The following DPYD variants were observed in gnomAD, a reference collection of about 807,000 sequenced individuals.
DPYD encodes dihydropyrimidine dehydrogenase.
In DPYD, 109 loss-of-function variants were observed where a neutral mutation model predicts 116.2. The observed-to-expected ratio is 0.94, with a 90% CI of 0.80 to 1.10. The LOEUF is 1.10. Ranked by LOEUF, DPYD falls within the 50% of genes least tolerant of loss-of-function variation. The pLI is 0.00. For missense variants in DPYD, 1,302 were observed against 1,254.5 expected (o/e 1.04, Z -0.57); for synonymous variants, 440 against 432.0 (o/e 1.02, Z -0.23).
intron 20 of DPYD, among the ~76,000 whole-genome samples, chr1:97,157,983 T>G (rs1253861456): frequency 4.6e-5 from 7 of 152,168 alleles, no homozygotes; most frequent in African/African-American, 7.2e-5. Flanking sequence ...TGGACTTGAC[T>G]GCTTAGGGTA....
intron 2 of DPYD, among the ~76,000 whole-genome samples, chr1:97,871,859 G>A (rs780517492): frequency 4.0e-5 from 6 of 151,650 alleles, no homozygotes; most frequent in Admixed American, 6.6e-5. Context: ...CAGAAACCTC[G>A]GAGCATCCCC....
chr1:97,700,610 T>TAATA (rs1661543939), intron 5 of DPYD, among the ~76,000 whole-genome samples: 1 of 152,036 alleles, frequency 6.6e-6, no homozygotes, highest in Non-Finnish European at 1.5e-5. Flanking sequence ...TTTCTGTGAA[T>TAATA]AATAAGTCAA....
chr1:97,921,020 G>A lies in DPYD; in HGVS notation c.-98C>T. The stretch of plus-strand genomic sequence containing the variant: ...AGTGACAGCAGCCGGAGCGCGAGTC[G>A]AAAACAGGCAGACTAGGGCCGGCGG... On this transcript the variant is annotated 5_prime_UTR_variant, in exon 1 of 23. Transcript: ENST00000370192. 1 of 1,475,806 alleles carries A rather than the reference G, an allele frequency of 6.8e-7. No individual in the cohort carries two copies. Among genetic ancestry groups the A allele is most frequent in the Non-Finnish European group, 9.2e-7 (1 of 1,082,118 alleles). The allele number at this position is 1,475,806 out of a possible 1,614,324, so 91.4% of individuals were successfully genotyped here. A position where few individuals can be genotyped will look rare whatever the true frequency, so the allele number is the denominator to read the frequency against.
chr1:97,410,567 C>T (rs991435233), intron 14 of DPYD, among the ~76,000 whole-genome samples: 2 of 151,914 alleles, frequency 1.3e-5, no homozygotes, highest in Admixed American at 6.6e-5. Context: ...TTTAAACATC[C>T]GGAGATAAGA....
chr1:97,838,853 A>G (rs1279845312), intron 2 of DPYD, among the ~76,000 whole-genome samples: 1 of 121,472 alleles, frequency 8.2e-6, no homozygotes, highest in East Asian at 2.0e-4. Context: ...CTCCGTCTCA[A>G]AAAAAAAAAT....
At chr1:97,323,496 T>C (rs922225596) in intron 16 of DPYD, among the ~76,000 whole-genome samples, 7 of 89,582 alleles carry the variant, frequency 7.8e-5, no homozygotes, top group Admixed American at 2.9e-4. Flanking sequence ...TATATATACA[T>C]ATCATATGTA....
intron 12 of DPYD, among the ~76,000 whole-genome samples, chr1:97,518,819 A>G (rs1006365299): frequency 1.3e-5 from 2 of 152,158 alleles, no homozygotes; most frequent in African/African-American, 4.8e-5. Flanking sequence ...GAAATGATAC[A>G]GAAGAAAATA....
chr1:97,327,789 G>C (rs1025229700), intron 16 of DPYD, among the ~76,000 whole-genome samples: 1 of 151,950 alleles, frequency 6.6e-6, no homozygotes, highest in Non-Finnish European at 1.5e-5. Context: ...TGGATGTTGA[G>C]ATTATTTCCA....
At chr1:97,192,198 C>T (rs1658421609) in intron 20 of DPYD, among the ~76,000 whole-genome samples, 1 of 152,070 alleles carries the variant, frequency 6.6e-6, no homozygotes, top group Non-Finnish European at 1.5e-5. Context: ...TGATGTTTCT[C>T]TTATTCTTTC....
intron 3 of DPYD, among the ~76,000 whole-genome samples, chr1:97,745,585 G>C (rs1266238969): frequency 6.6e-6 from 1 of 152,076 alleles, no homozygotes; most frequent in African/African-American, 2.4e-5. Context: ...CCATATAATA[G>C]CTTTAAAATG....
chr1:97,541,133 A>C (rs1200665081), intron 12 of DPYD, among the ~76,000 whole-genome samples: 1 of 152,168 alleles, frequency 6.6e-6, no homozygotes, highest in Non-Finnish European at 1.5e-5. Context: ...CTGATGCTTT[A>C]TAACCAGTGG....
chr1:97,451,751 T>C (rs938662138), intron 13 of DPYD, among the ~76,000 whole-genome samples: 1 of 152,150 alleles, frequency 6.6e-6, no homozygotes, highest in Non-Finnish European at 1.5e-5. Flanking sequence ...CTCCGGTGTT[T>C]TCATGGTCTG....
intron 18 of DPYD, among the ~76,000 whole-genome samples, chr1:97,249,526 AAGG>A (rs1557971703): frequency 6.6e-6 from 1 of 152,124 alleles, no homozygotes; most frequent in African/African-American, 2.4e-5. Flanking sequence ...GGGAGAAGAA[AAGG>A]AGAATATTTC....
intron 3 of DPYD, among the ~76,000 whole-genome samples, chr1:97,753,835 T>C (rs1665073550): frequency 6.6e-6 from 1 of 152,060 alleles, no homozygotes; most frequent in South Asian, 2.1e-4. Flanking sequence ...AAATATATAA[T>C]GGATAAAATA....
At chr1:97,137,623 G>A (rs1014771846) in intron 20 of DPYD, among the ~76,000 whole-genome samples, 2 of 152,096 alleles carry the variant, frequency 1.3e-5, no homozygotes, top group Non-Finnish European at 2.9e-5. Context: ...ATGTGCTCTT[G>A]GCACACTTAC....
At chr1:97,838,756 A>G (rs1350092980) in intron 2 of DPYD, among the ~76,000 whole-genome samples, 2 of 152,158 alleles carry the variant, frequency 1.3e-5, no homozygotes, top group Non-Finnish European at 1.5e-5. Context: ...GAGGCAGGAG[A>G]ATGGCGTGAA....
chr1:97,463,542 G>C (rs1677138322), intron 13 of DPYD, among the ~76,000 whole-genome samples: 1 of 152,200 alleles, frequency 6.6e-6, no homozygotes, highest in African/African-American at 2.4e-5. Context: ...ACCTAAAAAT[G>C]TGGAAGTGAC....
chr1:97,337,328 C>T (rs35814910), intron 16 of DPYD, among the ~76,000 whole-genome samples: 2,364 of 152,214 alleles, frequency 0.016, 37 homozygotes, highest in South Asian at 0.024. Flanking sequence ...AGTACAATGC[C>T]GAGCAGAAAC....
intron 14 of DPYD, among the ~76,000 whole-genome samples, chr1:97,404,434 C>T (rs1673538986): frequency 1.3e-5 from 2 of 152,042 alleles, no homozygotes; most frequent in African/African-American, 4.8e-5. Context: ...CTTTGCTGTT[C>T]TATTGGTTTT....
Sources: gnomAD v4.1 joint callset for allele counts (sites outside exome capture counted in the v4.1 genomes callset) on GRCh38, gnomAD v4.1.1 for gene constraint, MANE v1.5 for transcripts, NCBI Gene and HGNC (gene_info 2026-07-23, HGNC 2026-07-21) for gene names.